CFAP299: variants seen among roughly 807,000 people sequenced by gnomAD.
The protein encoded by CFAP299 is cilia- and flagella-associated protein 299.
In CFAP299, 21 loss-of-function variants were observed where a neutral mutation model predicts 27.0. That is an observed-to-expected ratio of 0.78 (90% CI 0.55 to 1.12). The LOEUF (loss-of-function observed/expected upper bound fraction) is 1.12. Among genes scored for constraint, CFAP299 ranks in the 50% most tolerant of loss-of-function variants. The pLI, the probability that CFAP299 is intolerant of heterozygous loss-of-function variation, is 0.00. For synonymous variants in CFAP299, 104 were observed against 98.1 expected (o/e 1.06, Z -0.36); for missense variants, 310 against 276.6 (o/e 1.12, Z -0.86).
upstream of CFAP299, among the ~76,000 whole-genome samples, chr4:80,334,925 G>A (rs1722064548): frequency 6.6e-6 from 1 of 152,190 alleles, no homozygotes; most frequent in Non-Finnish European, 1.5e-5. Flanking sequence ...GCTTAGCATT[G>A]TATTATATGC....
At chr4:80,762,688 T>C (rs1160118557) in intron 3 of CFAP299, among the ~76,000 whole-genome samples, 1 of 152,146 alleles carries the variant, frequency 6.6e-6, no homozygotes, top group Non-Finnish European at 1.5e-5. Flanking sequence ...ACTTCAGTTA[T>C]TGGGGATATG....
At chr4:80,780,618 C>T (rs1214490697) in intron 3 of CFAP299, among the ~76,000 whole-genome samples, 1 of 151,950 alleles carries the variant, frequency 6.6e-6, no homozygotes, top group Non-Finnish European at 1.5e-5. Flanking sequence ...ATCAATAAAC[C>T]TATTTATATC....
At chr4:80,593,986 A>T (rs1342262577) in intron 3 of CFAP299, among the ~76,000 whole-genome samples, 1 of 151,940 alleles carries the variant, frequency 6.6e-6, no homozygotes, top group Non-Finnish European at 1.5e-5. Context: ...AATATTTGGG[A>T]TTTTCTAGCT....
chr4:80,522,961 G>A (rs72875730), intron 2 of CFAP299, among the ~76,000 whole-genome samples: 11,554 of 152,040 alleles, frequency 0.076, 625 homozygotes, highest in East Asian at 0.25. Context: ...TCTTTCTCAA[G>A]GTTGTTTGAA....
At chr4:80,894,120 C>T (rs918875197) in intron 4 of CFAP299, among the ~76,000 whole-genome samples, 9 of 151,784 alleles carry the variant, frequency 5.9e-5, no homozygotes, top group African/African-American at 2.2e-4. Flanking sequence ...AAAAGGTGCC[C>T]AACCTCACTA....
At chr4:80,794,970 T>G (rs1018162576) in intron 3 of CFAP299, among the ~76,000 whole-genome samples, 1 of 152,168 alleles carries the variant, frequency 6.6e-6, no homozygotes, top group African/African-American at 2.4e-5. Context: ...GAAGCCCATG[T>G]TGCTGAGCCC....
intron 3 of CFAP299, among the ~76,000 whole-genome samples, chr4:80,735,770 A>G (rs1162669758): frequency 6.6e-6 from 1 of 152,158 alleles, no homozygotes; most frequent in Non-Finnish European, 1.5e-5. Context: ...GTATTGTTGC[A>G]TTCCTGGGAT....
intron 3 of CFAP299, 174 bp downstream of exon 3, chr4:80,583,357 C>A (rs7690616): frequency 0.021 from 7,649 of 358,662 alleles, 466 homozygotes; most frequent in African/African-American, 0.14. Context: ...TTATCATTTA[C>A]ATCTCTAGAA....
intron 4 of CFAP299, among the ~76,000 whole-genome samples, chr4:80,924,795 A>T (rs1053731317): frequency 5.3e-5 from 8 of 151,268 alleles, no homozygotes; most frequent in Non-Finnish European, 1.0e-4. Flanking sequence ...ATTATTATCA[A>T]TTTTAAAAGA....
intron 3 of CFAP299, among the ~76,000 whole-genome samples, chr4:80,816,405 T>G (rs541350760): frequency 6.6e-6 from 1 of 152,118 alleles, no homozygotes; most frequent in Non-Finnish European, 1.5e-5. Flanking sequence ...GAAAATGATA[T>G]AGTGATACTC....
At chr4:80,625,350 T>C (rs951868541) in intron 3 of CFAP299, among the ~76,000 whole-genome samples, 2 of 151,914 alleles carry the variant, frequency 1.3e-5, no homozygotes, top group Non-Finnish European at 2.9e-5. Context: ...TTGTAGGTCA[T>C]ATGGAAACCA....
chr4:80,605,975 T>A (rs1737646651), intron 3 of CFAP299, among the ~76,000 whole-genome samples: 1 of 152,200 alleles, frequency 6.6e-6, no homozygotes, highest in Non-Finnish European at 1.5e-5. Flanking sequence ...ACCATGAAAG[T>A]CCTCTTAGGG....
chr4:80,531,318 GATAA>G (rs1733451776), intron 2 of CFAP299, among the ~76,000 whole-genome samples: 1 of 152,080 alleles, frequency 6.6e-6, no homozygotes, highest in South Asian at 2.1e-4. Context: ...TATATTTATA[GATAA>G]ATTTCTTTAT....
chr4:80,739,098 T>G (rs971726204), intron 3 of CFAP299, among the ~76,000 whole-genome samples: 26 of 152,158 alleles, frequency 1.7e-4, no homozygotes, highest in African/African-American at 6.3e-4. Flanking sequence ...TTTCTCTTTA[T>G]GTATTATTGT....
intron 2 of CFAP299, among the ~76,000 whole-genome samples, chr4:80,384,171 CACAAAT>C (rs1578379885): frequency 1.3e-5 from 2 of 152,210 alleles, no homozygotes; most frequent in East Asian, 3.9e-4. Context: ...TACAAACGCA[CACAAAT>C]ACATCAAAGA....
chr4:80,445,682 A>C (rs1728584273), intron 2 of CFAP299, among the ~76,000 whole-genome samples: 1 of 152,184 alleles, frequency 6.6e-6, no homozygotes, highest in African/African-American at 2.4e-5. Context: ...TAAAAAAAAA[A>C]CATTTAAAGT....
At chr4:80,804,389 G>T (rs1451461393) in intron 3 of CFAP299, among the ~76,000 whole-genome samples, 1 of 152,090 alleles carries the variant, frequency 6.6e-6, no homozygotes, top group Non-Finnish European at 1.5e-5. Context: ...GTCATTTTGT[G>T]ACTGGCTTGT....
chr4:80,605,845 GT>G (rs1009219243), intron 3 of CFAP299, among the ~76,000 whole-genome samples: 356 of 149,546 alleles, frequency 2.4e-3, no homozygotes, highest in African/African-American at 6.6e-3. Context: ...TAACACTTAA[GT>G]TTTTTTTTTA....
intron 3 of CFAP299, among the ~76,000 whole-genome samples, chr4:80,721,540 A>T (rs1578057627): frequency 6.6e-6 from 1 of 152,166 alleles, no homozygotes; most frequent in African/African-American, 2.4e-5. Context: ...CTTCATTTTA[A>T]TCTAATTACC....
Sources: gnomAD v4.1 joint callset for allele counts (sites outside exome capture counted in the v4.1 genomes callset) on GRCh38, gnomAD v4.1.1 for gene constraint, MANE v1.5 for transcripts, NCBI Gene and HGNC (gene_info 2026-07-23, HGNC 2026-07-21) for gene names.